The following BCAS1 variants were observed in gnomAD, a reference collection of about 807,000 sequenced individuals.
BCAS1 encodes breast carcinoma-amplified sequence 1.
BCAS1 carries 46 observed loss-of-function variants against 65.4 expected under a neutral mutation model. That is an observed-to-expected ratio of 0.70 (90% CI 0.55 to 0.90). The LOEUF (loss-of-function observed/expected upper bound fraction) is 0.90, where lower values mean the gene tolerates loss of function less well. Ranked by LOEUF, BCAS1 falls within the 40% of genes least tolerant of loss-of-function variation. The probability of loss-of-function intolerance (pLI) is 0.00; values close to 1 mark genes in which losing one functional copy is unlikely to be tolerated. For synonymous variants in BCAS1, 298 were observed against 293.5 expected (o/e 1.02, Z -0.16); for missense variants, 793 against 771.2 (o/e 1.03, Z -0.33).
At chr20:54,016,789 A>T (rs927108493) in intron 4 of BCAS1, among the ~76,000 whole-genome samples, 2 of 152,200 alleles carry the variant, frequency 1.3e-5, no homozygotes, top group Middle Eastern at 3.2e-3. Flanking sequence ...AGATATAAAA[A>T]TGTTCCACTT....
intron 3 of BCAS1, among the ~76,000 whole-genome samples, chr20:54,045,022 A>G (rs2092074656): frequency 6.6e-6 from 1 of 151,982 alleles, no homozygotes; most frequent in Middle Eastern, 3.4e-3. Flanking sequence ...ACCAGCCTGG[A>G]TAACAAAGGG....
intron 3 of BCAS1, 43 bp downstream of exon 3, chr20:54,058,042 T>C: frequency 2.9e-6 from 4 of 1,397,552 alleles, no homozygotes; most frequent in Non-Finnish European, 4.0e-6. Context: ...CAGACCCCCC[T>C]TCCCCACGAG....
At chr20:54,003,994 C>T (rs751578734) in intron 4 of BCAS1, among the ~76,000 whole-genome samples, 5 of 152,038 alleles carry the variant, frequency 3.3e-5, no homozygotes, top group Non-Finnish European at 5.9e-5. Flanking sequence ...ATGAGGAAGG[C>T]GATTTTATTT....
At chr20:54,013,649 T>C (rs1568877141) in intron 4 of BCAS1, among the ~76,000 whole-genome samples, 1 of 152,222 alleles carries the variant, frequency 6.6e-6, no homozygotes, top group African/African-American at 2.4e-5. Context: ...AGGTTATTCA[T>C]TGCAGTGAGG....
chr20:54,031,527 A>G (rs1445421273), intron 3 of BCAS1, among the ~76,000 whole-genome samples: 3 of 151,324 alleles, frequency 2.0e-5, no homozygotes, highest in African/African-American at 4.8e-5. Flanking sequence ...CTGACATAAG[A>G]TAGACTAATA....
intron 1 of BCAS1, among the ~76,000 whole-genome samples, chr20:54,065,291 C>G (rs1044108256): frequency 1.3e-5 from 2 of 152,128 alleles, no homozygotes; most frequent in Admixed American, 6.5e-5. Context: ...ATATCTTGTC[C>G]TATTCCTCGA....
chr20:54,012,267 G>C (rs1246228425), intron 4 of BCAS1, among the ~76,000 whole-genome samples: 1 of 152,110 alleles, frequency 6.6e-6, no homozygotes, highest in Non-Finnish European at 1.5e-5. Context: ...GAGGGAAGTG[G>C]ATGCACCTGA....
At chr20:53,978,356 A>AT (rs539553962) in intron 8 of BCAS1, among the ~76,000 whole-genome samples, 1 of 151,938 alleles carries the variant, frequency 6.6e-6, no homozygotes, top group African/African-American at 2.4e-5. Flanking sequence ...TTTACTTAAT[A>AT]TTTTTTTCTT....
chr20:54,059,434 T>G (rs2092349227), intron 1 of BCAS1, among the ~76,000 whole-genome samples: 1 of 152,116 alleles, frequency 6.6e-6, no homozygotes, highest in Admixed American at 6.6e-5. Context: ...ATAATAATAT[T>G]TTTTTCTGAT....
intron 4 of BCAS1, among the ~76,000 whole-genome samples, chr20:54,010,894 A>C (rs1368645010): frequency 6.6e-6 from 1 of 152,176 alleles, no homozygotes; most frequent in Non-Finnish European, 1.5e-5. Context: ...GACATATAGA[A>C]CCAATGGAAT....
At chr20:54,054,330 CA>C (rs765718969) in intron 3 of BCAS1, among the ~76,000 whole-genome samples, 1 of 152,070 alleles carries the variant, frequency 6.6e-6, no homozygotes, top group Non-Finnish European at 1.5e-5. Context: ...ACCAAACAGT[CA>C]ACTAGATTTC....
At position 53,967,168 on chromosome 20, in the gene BCAS1, C is replaced by T. The variant is rs2090056609; in HGVS notation, c.1318-95G>A. 4 of 1,266,298 alleles carry T rather than the reference C, an allele frequency of 3.2e-6. No individual in the cohort carries two copies. The Admixed American group carries it at 8.5e-5, about 27-fold the overall frequency. The allele number at this position is 1,266,298 out of a possible 1,614,324, so 78.4% of individuals were successfully genotyped here. ...GGGGTCCTTGTTGCCCCCCTGTCCACATAGTAGCTACAGTTTTGAATCTAT... is the reference window on the plus strand; with the variant it reads ...GGGGTCCTTGTTGCCCCCCTGTCCATATAGTAGCTACAGTTTTGAATCTAT... On this transcript the variant is annotated intron_variant, in intron 9 of 12. Coordinates refer to ENST00000688948, the MANE Select transcript of BCAS1 (RefSeq NM_001366298.2).
At chr20:53,980,480 CCACAT>C (rs2090449309) in intron 8 of BCAS1, among the ~76,000 whole-genome samples, 2 of 152,272 alleles carry the variant, frequency 1.3e-5, no homozygotes, top group African/African-American at 4.8e-5. Context: ...TGATGACAAC[CCACAT>C]TATAGGGCCA....
intron 4 of BCAS1, among the ~76,000 whole-genome samples, chr20:54,019,941 G>A (rs767245199): frequency 1.8e-4 from 27 of 152,028 alleles, no homozygotes; most frequent in South Asian, 4.1e-4. Flanking sequence ...GCTTGCAGAC[G>A]GCCTATAGTG....
At chr20:54,035,703 G>A (rs950787993) in intron 3 of BCAS1, among the ~76,000 whole-genome samples, 5 of 151,024 alleles carry the variant, frequency 3.3e-5, no homozygotes, top group Admixed American at 6.6e-5. Context: ...TTCCATTACT[G>A]GGTACATACC....
At position 54,028,373 on chromosome 20, in the gene BCAS1, T is replaced by TAC. The variant is rs753595014; in HGVS notation, c.723+17_723+18dup. 2 of 1,613,018 alleles carry TAC rather than the reference T, an allele frequency of 1.2e-6. No individual in the cohort carries two copies. The highest frequency in any genetic ancestry group is 2.2e-5 in the South Asian group (2 of 91,068). On this transcript the variant is annotated intron_variant, in intron 4 of 12. Transcript: ENST00000688948. ...GAGCATGCATTCAGAACCAAGTGGA[T>TAC]ACACCTTGGCACACTTACCTTCCCT...
At chr20:53,951,282 G>A (rs2089514788) in intron 12 of BCAS1, among the ~76,000 whole-genome samples, 1 of 152,118 alleles carries the variant, frequency 6.6e-6, no homozygotes, top group African/African-American at 2.4e-5. Flanking sequence ...AGACCAGCTT[G>A]AGCAACATGG....
At chr20:54,022,459 A>ACTAC (rs1310084217) in intron 4 of BCAS1, among the ~76,000 whole-genome samples, 3 of 152,214 alleles carry the variant, frequency 2.0e-5, no homozygotes, top group Non-Finnish European at 4.4e-5. Flanking sequence ...ATTTAGCATG[A>ACTAC]CTACTACTGA....
intron 4 of BCAS1, among the ~76,000 whole-genome samples, chr20:54,005,208 C>G (rs1051267579): frequency 6.8e-6 from 1 of 146,918 alleles, no homozygotes; most frequent in Non-Finnish European, 1.5e-5. Context: ...GTAATCCCAG[C>G]AATTTGGGAG....
Sources: gnomAD v4.1 joint callset for allele counts (sites outside exome capture counted in the v4.1 genomes callset) on GRCh38, gnomAD v4.1.1 for gene constraint, MANE v1.5 for transcripts, NCBI Gene and HGNC (gene_info 2026-07-23, HGNC 2026-07-21) for gene names.